The following CACNA1E variants were observed in gnomAD, a reference collection of about 807,000 sequenced individuals.
CACNA1E encodes the protein calcium voltage-gated channel subunit alpha1 E.
A neutral mutation model predicts 259.2 loss-of-function variants in CACNA1E; 40 were observed. The ratio of observed to expected loss-of-function variants is 0.15; its 90% confidence interval spans 0.12 to 0.20. The LOEUF (loss-of-function observed/expected upper bound fraction) is 0.20. Among genes scored for constraint, CACNA1E ranks in the 10% least tolerant of loss-of-function variants. CACNA1E has a pLI of 1.00. For missense variants in CACNA1E, 1,874 were observed against 3,040.1 expected, an observed-to-expected ratio of 0.62 and a Z score of 9.02; for synonymous variants, 1,104 against 1,138.5, an observed-to-expected ratio of 0.97 and a Z score of 0.61.
At chr1:181,432,271 T>C (rs1482927825) in intron 2 of CACNA1E, among the ~76,000 whole-genome samples, 3 of 152,156 alleles carry the variant, frequency 2.0e-5, no homozygotes, top group African/African-American at 7.2e-5. Context: ...TGGAAATGGC[T>C]GAGTTTCCCT....
At chr1:181,327,229 C>T (rs1170029872) in intron 1 of CACNA1E, among the ~76,000 whole-genome samples, 2 of 152,194 alleles carry the variant, frequency 1.3e-5, no homozygotes, top group Non-Finnish European at 2.9e-5. Flanking sequence ...TTCTCCTTCC[C>T]TTTGTTGCAG....
chr1:181,424,341 A>G (rs954524630), intron 2 of CACNA1E, among the ~76,000 whole-genome samples: 3 of 152,160 alleles, frequency 2.0e-5, no homozygotes, highest in African/African-American at 7.2e-5. Context: ...TTCAGCACAC[A>G]CCCTTGAATT....
intron 7 of CACNA1E, among the ~76,000 whole-genome samples, chr1:181,681,306 A>G (rs1248970117): frequency 1.3e-5 from 2 of 152,290 alleles, no homozygotes; most frequent in East Asian, 3.9e-4. Context: ...GTAGATTCAA[A>G]TGAAGTACTT....
chr1:181,327,145 C>G (rs975141855), intron 1 of CACNA1E, among the ~76,000 whole-genome samples: 2 of 152,148 alleles, frequency 1.3e-5, no homozygotes, highest in Non-Finnish European at 2.9e-5. Context: ...ATGCTTTGCC[C>G]TTAGGTGACT....
chr1:181,795,708 G>A (rs1379028602), intron 46 of CACNA1E, among the ~76,000 whole-genome samples: 1 of 149,506 alleles, frequency 6.7e-6, no homozygotes, highest in Non-Finnish European at 1.5e-5. Context: ...CCAAAGTGCT[G>A]GGATTACAGG....
intron 7 of CACNA1E, among the ~76,000 whole-genome samples, chr1:181,679,901 T>G (rs1649765520): frequency 6.6e-6 from 1 of 152,064 alleles, no homozygotes; most frequent in Non-Finnish European, 1.5e-5. Flanking sequence ...GGAGAATCAC[T>G]TGAGCAGACT....
intron 1 of CACNA1E, among the ~76,000 whole-genome samples, chr1:181,326,023 C>T (rs928870449): frequency 3.3e-5 from 5 of 152,230 alleles, no homozygotes; most frequent in Non-Finnish European, 5.9e-5. Flanking sequence ...GCTCCGCCGC[C>T]GGTTTCCTTG....
At chr1:181,560,853 A>C (rs567712392) in intron 3 of CACNA1E, among the ~76,000 whole-genome samples, 1 of 152,374 alleles carries the variant, frequency 6.6e-6, no homozygotes, top group East Asian at 1.9e-4. Flanking sequence ...TCACTGATGG[A>C]GGAATGGATA....
chr1:181,718,028 C>G, intron 11 of CACNA1E, 27 bp from the exon 12 acceptor site: 2 of 1,166,504 alleles, frequency 1.7e-6, no homozygotes, highest in Non-Finnish European at 2.6e-6. Flanking sequence ...ACATGTGGAA[C>G]CAATGCTCTA....
intron 7 of CACNA1E, among the ~76,000 whole-genome samples, chr1:181,680,602 A>C (rs1649858165): frequency 6.6e-6 from 1 of 152,184 alleles, no homozygotes; most frequent in Non-Finnish European, 1.5e-5. Context: ...CGAAGAGCCA[A>C]AAAGGGAAAA....
intron 3 of CACNA1E, among the ~76,000 whole-genome samples, chr1:181,573,975 AG>A (rs1372911032): frequency 2.0e-5 from 3 of 152,252 alleles, no homozygotes; most frequent in African/African-American, 7.2e-5. Flanking sequence ...TGTCCTTTGT[AG>A]GGACATGGAT....
At chr1:181,539,604 G>C in intron 3 of CACNA1E, among the ~76,000 whole-genome samples, 1 of 152,120 alleles carries the variant, frequency 6.6e-6, no homozygotes, top group South Asian at 2.1e-4. Context: ...CTAATGCTCT[G>C]TATGAGCCTC....
intron 1 of CACNA1E, among the ~76,000 whole-genome samples, chr1:181,323,988 C>G (rs985813703): frequency 6.6e-6 from 1 of 152,242 alleles, no homozygotes; most frequent in Admixed American, 6.5e-5. Context: ...GGAGCCTGGG[C>G]TTGGGGGGCA....
chr1:181,630,542 C>G (rs961060768), intron 6 of CACNA1E, among the ~76,000 whole-genome samples: 3 of 152,122 alleles, frequency 2.0e-5, no homozygotes, highest in African/African-American at 7.2e-5. Flanking sequence ...ATTGCAACAA[C>G]GCCCTCTCCA....
intron 1 of CACNA1E, among the ~76,000 whole-genome samples, chr1:181,403,881 C>T (rs1052333964): frequency 1.3e-5 from 2 of 152,164 alleles, no homozygotes; most frequent in South Asian, 4.1e-4. Context: ...TGCTCTCCTC[C>T]ATGTGGCAGG....
chr1:181,766,642 GA>G (rs1322179450), intron 35 of CACNA1E, 31 bp downstream of exon 35: 1 of 1,503,942 alleles, frequency 6.6e-7, no homozygotes, highest in African/African-American at 1.4e-5. Flanking sequence ...CCCGGTGGGG[GA>G]CAGCTGTTAC....
At chr1:181,344,384 G>T (rs1557929018) in intron 1 of CACNA1E, among the ~76,000 whole-genome samples, 5 of 152,210 alleles carry the variant, frequency 3.3e-5, no homozygotes, top group Non-Finnish European at 7.3e-5. Flanking sequence ...CCTGTCTTGG[G>T]CTGAAAGGCT....
At chr1:181,797,034 A>G (rs1661872275) in intron 47 of CACNA1E, among the ~76,000 whole-genome samples, 176 bp downstream of exon 47, 1 of 152,238 alleles carries the variant, frequency 6.6e-6, no homozygotes, top group Non-Finnish European at 1.5e-5. Context: ...TTGTGTACTC[A>G]GAGATGATCT....
intron 2 of CACNA1E, among the ~76,000 whole-genome samples, chr1:181,435,213 G>A (rs1660005937): frequency 6.6e-6 from 1 of 152,174 alleles, no homozygotes; most frequent in South Asian, 2.1e-4. Context: ...CACACCACTG[G>A]AACAAACTAA....
Sources: gnomAD v4.1 joint callset for allele counts (sites outside exome capture counted in the v4.1 genomes callset) on GRCh38, gnomAD v4.1.1 for gene constraint, MANE v1.5 for transcripts, NCBI Gene and HGNC (gene_info 2026-07-23, HGNC 2026-07-21) for gene names.